Variants in TTN observed in about 807,000 individuals in gnomAD.
TTN encodes titin.
TTN carries 1,525 observed loss-of-function variants against 3,223.0 expected under a neutral mutation model. That is an observed-to-expected ratio of 0.47 (90% CI 0.45 to 0.49). The LOEUF is 0.49. TTN is among the 20% of genes least tolerant of loss of function. TTN has a pLI of 0.00. For synonymous variants in TTN, 14,094 were observed against 15,161.0 expected, an observed-to-expected ratio of 0.93 and a Z score of 5.17; for missense variants, 40,786 against 43,424.0, an observed-to-expected ratio of 0.94 and a Z score of 5.40.
Position 178,548,002 on chromosome 2 carries a change from C to T in TTN, c.93624G>A (p.Glu31208=). The T allele has an allele frequency of 6.2e-7, 1 of 1,613,598 alleles. No individual in the cohort carries two copies. The highest frequency in any genetic ancestry group is 8.5e-7 in the Non-Finnish European group (1 of 1,179,720). ...REAFSSVIIK[E]PQIEPTADLT... Reference sequence around the variant, plus strand: ...GGTCAGCAGTGGGCTCGATTTGAGGCTCCTTAATGATGACAGAAGAGAAGG... The same window carrying T: ...GGTCAGCAGTGGGCTCGATTTGAGGTTCCTTAATGATGACAGAAGAGAAGG... Residue 31208 remains glutamate, a synonymous_variant, in exon 339 of 363, where the codon GAG becomes GAA. Transcript: ENST00000589042. The surrounding 1 kb of genome is among the most constrained non-coding windows in gnomAD (Gnocchi z 4.3).
At position 178,587,682 on chromosome 2, in the gene TTN, T is replaced by A; in HGVS notation, c.63627A>T (p.Arg21209=). Residue 21209 remains arginine (R), a synonymous_variant, in exon 306 of 363, where the codon CGA becomes CGT. Transcript: ENST00000589042. The part of the protein sequence containing the change: ...RGRPAPKVTW[R]KVGIDNVVRK... ...TGACCACATTATCAATGCCAACTTT[T>A]CGCCAAGTGACTTTAGGGGCTGGTC... is the stretch of plus-strand genomic sequence containing the variant. 1 of 1,612,944 alleles carries A rather than the reference T, an allele frequency of 6.2e-7. No homozygotes were observed. The highest frequency in any genetic ancestry group is 8.5e-7 in the Non-Finnish European group (1 of 1,179,406).
chr2:178,749,927 G>C (rs1364068384), intron 47 of TTN: 1 of 1,613,116 alleles, frequency 6.2e-7, no homozygotes. Context: ...TAACATTTTT[G>C]GTGGTTCATT....
chr2:178,614,502 C>T lies in TTN; in HGVS notation c.49012G>A (p.Gly16338Ser), dbSNP rs752053096. Residue 16338 changes from glycine (G) to serine (S), a missense_variant, in exon 261 of 363, where the codon GGC (glycine) becomes AGC (serine). Transcript: ENST00000589042. ...ACTTCCACCACAGCAGTGGCCCGGC[C>T]ACACACATTCACAGCCTCAATGATA... ...TYIIEAVNVC[G>S]RATAVVEVNV... is the part of the protein sequence containing the mutation. 1 of 1,610,896 alleles carries T rather than the reference C, an allele frequency of 6.2e-7. No homozygotes were observed. The highest frequency in any genetic ancestry group is 8.5e-7 in the Non-Finnish European group (1 of 1,178,272).
chr2:178,738,331 G>C lies in TTN; in HGVS notation c.14122C>G (p.Pro4708Ala). 2 of 1,613,004 alleles carry C rather than the reference G, an allele frequency of 1.2e-6. No individual in the cohort carries two copies. The highest frequency in any genetic ancestry group is 1.7e-6 in the Non-Finnish European group (2 of 1,179,290). Reference protein sequence around the residue: ...AAPVIKRKIEPLEVALGHLAK... With the variant: ...AAPVIKRKIEALEVALGHLAK... ...AGGTGGCCCAGTGCTACTTCCAGGGGTTCGATTTTCCTCTTGATCACTGGG... is the reference window on the plus strand; with the variant it reads ...AGGTGGCCCAGTGCTACTTCCAGGGCTTCGATTTTCCTCTTGATCACTGGG... The change falls in exon 49 of 363, where the codon CCC (proline) becomes GCC (alanine). Residue 4708 changes from proline (P) to alanine (A), a missense_variant. Pro to Ala is a conservative substitution (Grantham distance 27). Transcript: ENST00000589042.
intron 47 of TTN, chr2:178,749,341 T>A: frequency 6.2e-7 from 1 of 1,612,906 alleles, no homozygotes; most frequent in Non-Finnish European, 8.5e-7. Context: ...ATTGTATGAA[T>A]TCAGCCCTGA....
chr2:178,541,082 C>T (rs930365923), intron 350 of TTN, 200 bp downstream of exon 350: 1 of 421,132 alleles, frequency 2.4e-6, no homozygotes, highest in Non-Finnish European at 4.0e-6. Flanking sequence ...TCGCTAGCAG[C>T]TGGGGTGGGG....
In TTN at chr2:178,601,043, A is replaced by G. The variant is rs969457022; in HGVS notation, c.55861T>C (p.Trp18621Arg). The part of the protein sequence containing the change: ...VTHYIVECLA[W>R]DPTGTKKEAW... Reference sequence around the variant, plus strand: ...TCTTTCTTTGTCCCAGTAGGGTCCCATGCAAGGCACTCAACAATATAGTGG... The same window carrying G: ...TCTTTCTTTGTCCCAGTAGGGTCCCGTGCAAGGCACTCAACAATATAGTGG... Residue 18621 changes from tryptophan (W) to arginine (R), a missense_variant, in exon 288 of 363, where the codon TGG becomes CGG. Physicochemically the swap from Trp to Arg is moderately radical, Grantham distance 101. Transcript: ENST00000589042. 2 of 1,612,922 alleles carry G rather than the reference A, an allele frequency of 1.2e-6. No homozygotes were observed. The highest frequency in any genetic ancestry group is 4.5e-5 in the East Asian group (2 of 44,734).
Position 178,790,130 on chromosome 2 carries a change from G to A in TTN, c.1801-15C>T. On this transcript the variant is annotated splice_polypyrimidine_tract_variant and intron_variant, in intron 11 of 362. Transcript: ENST00000589042. ...TCCTTCATTATCTGATCATACAAAAGAAAGTAAGAAAATAGTCATTAAATT... is the reference window on the plus strand; with the variant it reads ...TCCTTCATTATCTGATCATACAAAAAAAAGTAAGAAAATAGTCATTAAATT... 1 of 1,609,086 alleles carries A rather than the reference G, an allele frequency of 6.2e-7. No individual in the cohort carries two copies. Among genetic ancestry groups the A allele is most frequent in the South Asian group, 1.1e-5 (1 of 90,106 alleles).
intron 165 of TTN, 86 bp from the exon 166 acceptor site, chr2:178,665,012 A>T (rs1473844048): frequency 7.0e-7 from 1 of 1,424,850 alleles, no homozygotes; most frequent in Non-Finnish European, 9.6e-7. Context: ...ATATAACCAC[A>T]TTTTCTTCTC....
Position 178,773,345 on chromosome 2 carries a change from C to G in TTN, c.7619G>C (p.Arg2540Pro), listed in dbSNP as rs397517725. Residue 2540 changes from arginine (R) to proline (P), a missense_variant, in exon 33 of 363, where the codon CGT becomes CCT. By Grantham distance (103) the Arg-to-Pro change is moderately radical. Coordinates refer to ENST00000589042, the MANE Select transcript of TTN (RefSeq NM_001267550.2). The part of the protein sequence containing the change: ...VEKIKIIRGL[R>P]DLTCTETQNV... Reference sequence around the variant, plus strand: ...TTGAGTTTCTGTACAGGTAAGGTCACGAAGACCTCTGATAATTTTAATTTC... The same window carrying G: ...TTGAGTTTCTGTACAGGTAAGGTCAGGAAGACCTCTGATAATTTTAATTTC... 5 of 1,613,844 alleles carry G rather than the reference C, an allele frequency of 3.1e-6. No homozygotes were observed. Among genetic ancestry groups the G allele is most frequent in the Non-Finnish European group, 3.4e-6 (4 of 1,179,966 alleles).
rs1294019932 is a variant in TTN at position 178,786,099 on chromosome 2, C to A, written c.2119G>T (p.Ala707Ser). The A allele has an allele frequency of 6.2e-7, 1 of 1,614,010 alleles. No individual in the cohort carries two copies. Among genetic ancestry groups the A allele is most frequent in the Non-Finnish European group, 8.5e-7 (1 of 1,180,000 alleles). The change falls in exon 14 of 363, where the codon GCT becomes TCT. Residue 707 changes from alanine to serine, a missense_variant. Transcript: ENST00000589042. ...KKAEAVATVV[A>S]AVDQARVREP... ...CTGACTCGGGCCTGGTCTACTGCAGCAACAACTGTTGCTACAGCTTCAGCC... is the reference window on the plus strand; with the variant it reads ...CTGACTCGGGCCTGGTCTACTGCAGAAACAACTGTTGCTACAGCTTCAGCC...
intron 163 of TTN, among the ~76,000 whole-genome samples, chr2:178,666,169 T>C (rs1357751229): frequency 6.6e-6 from 1 of 152,026 alleles, no homozygotes; most frequent in Non-Finnish European, 1.5e-5. Flanking sequence ...AAAAGGTGAG[T>C]GTTTTTCAAG....
At chr2:178,746,529 C>T (rs2083606514) in intron 47 of TTN, 1 of 1,613,002 alleles carries the variant, frequency 6.2e-7, no homozygotes, top group Non-Finnish European at 8.5e-7. Flanking sequence ...AACTCCATGA[C>T]ATGCTGATGT....
Position 178,777,473 on chromosome 2 carries a change from A to T in TTN, c.4592T>A (p.Val1531Asp), listed in dbSNP as rs794727429. 1 of 1,613,942 alleles carries T rather than the reference A, an allele frequency of 6.2e-7. No individual in the cohort carries two copies. The highest frequency in any genetic ancestry group is 1.7e-4 in the Middle Eastern group (1 of 6,058). ...TPSDSGEWTV[V>D]AQNRAGRSSI... is the part of the protein sequence containing the mutation. The stretch of plus-strand genomic sequence containing the variant: ...AGATCTGCCTGCCCTGTTTTGGGCA[A>T]CCACAGTCCATTCCCCAGAATCACT... The change falls in exon 26 of 363, where the codon GTT (valine) becomes GAT (aspartate). Residue 1531 changes from valine (V) to aspartate (D), a missense_variant. Physicochemically the swap from Val to Asp is radical, Grantham distance 152. Transcript: ENST00000589042.
rs754851582 is a variant in TTN, at chr2:178,689,271, G to A, written c.32011+19C>T. 3.5e-5 allele frequency: 57 copies of A among 1,609,070 alleles called. No individual in the cohort carries two copies. The highest frequency in any genetic ancestry group is 4.7e-5 in the Non-Finnish European group (55 of 1,178,578). On this transcript the variant is annotated intron_variant, in intron 124 of 362. Transcript: ENST00000589042. The stretch of plus-strand genomic sequence containing the variant: ...ACTGGAACATAAAGACAGTTCTTGG[G>A]AAGATGGAGAAACAATACCTTTTGG...
In TTN at chr2:178,612,818, C is replaced by A. The variant is rs1474540984; in HGVS notation, c.49903G>T (p.Glu16635Ter). ...ACAGGGTCACTGGGTTCACTGGGTT[C>A]ACTTTCCCCAGCCTTATTCACAGCT... ...VRAVNKAGESEPSEPSDPVLC... is the reference protein window; with the variant it reads ...VRAVNKAGES The change falls in exon 265 of 363, where the codon GAA becomes TAA. Residue 16635 changes from glutamate (E) to a stop codon, truncating the protein, a stop_gained. Transcript: ENST00000589042. LOFTEE classifies it high-confidence loss of function. The A allele has an allele frequency of 6.2e-7, 1 of 1,612,410 alleles. No individual in the cohort carries two copies.
At position 178,725,907 on chromosome 2, in the gene TTN, C is replaced by T. The variant is rs2154304580; in HGVS notation, c.20415G>A (p.Lys6805=). 1 of 1,613,064 alleles carries T rather than the reference C, an allele frequency of 6.2e-7. No individual in the cohort carries two copies. The highest frequency in any genetic ancestry group is 8.5e-7 in the Non-Finnish European group (1 of 1,179,446). The part of the protein sequence containing the change: ...YKDKRQLRSS[K]KYKIASKNFH... ...AGTTTTTGGATGCAATCTTGTATTT[C>T]TTGCTGCTTCTGAGTTGCCGCTTGT... The change falls in exon 70 of 363, where the codon AAG becomes AAA. Residue 6805 remains lysine (K), a synonymous_variant. Coordinates refer to ENST00000589042, the MANE Select transcript of TTN (RefSeq NM_001267550.2).
chr2:178,633,958 G>C lies in TTN; in HGVS notation c.42541C>G (p.Leu14181Val). Residue 14181 changes from leucine to valine, a missense_variant, in exon 231 of 363, where the codon CTC becomes GTC. Physicochemically the swap from Leu to Val is conservative, Grantham distance 32 (BLOSUM62 1). Coordinates refer to ENST00000589042, the MANE Select transcript of TTN (RefSeq NM_001267550.2). ...HVVWFKNDAK[L>V]HTSRTVLISS... ...ATGAGTACTGTTCTGCTTGTATGGA[G>C]TTTGGCATCATTTTTGAACCAGACT... is the stretch of plus-strand genomic sequence containing the variant. The C allele has an allele frequency of 6.2e-7, 1 of 1,613,376 alleles. No individual in the cohort carries two copies. Among genetic ancestry groups the C allele is most frequent in the Non-Finnish European group, 8.5e-7 (1 of 1,179,558 alleles).
At chr2:178,760,518 A>C (rs1327552658) in intron 43 of TTN, among the ~76,000 whole-genome samples, 1 of 152,204 alleles carries the variant, frequency 6.6e-6, no homozygotes, top group Non-Finnish European at 1.5e-5. Context: ...CTCCATCAAA[A>C]TATATACATA....
Sources: allele counts gnomAD v4.1 joint callset (sites outside exome capture counted in the v4.1 genomes callset), GRCh38; gene constraint gnomAD v4.1.1; non-coding constraint Gnocchi (gnomAD v3.1); transcripts MANE v1.5; gene names NCBI Gene and HGNC (gene_info 2026-07-23, HGNC 2026-07-21).